The following IFNGR1 variants were observed in gnomAD, a reference collection of about 807,000 sequenced individuals.
IFNGR1 encodes AVP, type 2.
A neutral mutation model predicts 35.4 loss-of-function variants in IFNGR1; 23 were observed. The ratio of observed to expected loss-of-function variants is 0.65; its 90% CI spans 0.47 to 0.92. The LOEUF is 0.92. Among genes scored for constraint, IFNGR1 ranks in the 40% least tolerant of loss-of-function variants. The pLI is 0.00. For missense variants in IFNGR1, 533 were observed against 583.4 expected (o/e 0.91, Z 0.89); for synonymous variants, 199 against 209.5 (o/e 0.95, Z 0.43).
In IFNGR1 at chr6:137,203,675, T is replaced by C; in HGVS notation, c.557A>G (p.Lys186Arg). The C allele has an allele frequency of 6.2e-7, 1 of 1,612,970 alleles. No homozygotes were observed. The highest frequency in any genetic ancestry group is 8.5e-7 in the Non-Finnish European group (1 of 1,179,242). The part of the protein sequence containing the change: ...VRMNGSEIQY[K>R]ILTQKEDDCD... ...ATCATCTTCCTTCTGCGTGAGTATT[T>C]TATACTGGATCTAGATGAAAAAAGA... The change falls in exon 5 of 7, where the codon AAA becomes AGA. Residue 186 changes from lysine (K) to arginine (R), a missense_variant. Lys to Arg is a conservative substitution (Grantham distance 26). Coordinates refer to ENST00000367739, the MANE Select transcript of IFNGR1 (RefSeq NM_000416.3).
At chr6:137,212,543 A>C (rs995697601) in intron 1 of IFNGR1, among the ~76,000 whole-genome samples, 4 of 152,234 alleles carry the variant, frequency 2.6e-5, no homozygotes, top group Non-Finnish European at 4.4e-5. Context: ...GGTGTGAGCC[A>C]CCGGGCCCAG....
chr6:137,215,183 A>G, intron 1 of IFNGR1: 2 of 1,505,502 alleles, frequency 1.3e-6, no homozygotes, highest in Non-Finnish European at 1.8e-6. Flanking sequence ...GTAACTTGAC[A>G]ATATGCAAAG....
intron 1 of IFNGR1, among the ~76,000 whole-genome samples, chr6:137,213,804 A>G (rs1779628524): frequency 6.6e-6 from 1 of 152,258 alleles, no homozygotes; most frequent in African/African-American, 2.4e-5. Context: ...GCTGGGTGAC[A>G]GGAACCAGGG....
At position 137,197,866 on chromosome 6, in the gene IFNGR1, G is replaced by A; in HGVS notation, c.*165C>T. On this transcript the variant is annotated 3_prime_UTR_variant, in exon 7 of 7. Transcript: ENST00000367739. ...AAAGTCTGTACTTTACAAGCCAAAA[G>A]TGAAAATGCCACACATCCTCTTTAC... 1.2e-6 allele frequency: 1 copy of A among 851,026 alleles called. No homozygotes were observed. Among genetic ancestry groups the A allele is most frequent in the Non-Finnish European group, 1.8e-6 (1 of 556,764 alleles). The allele number at this position is 851,026 out of a possible 1,614,324, so 52.7% of individuals were successfully genotyped here.
rs1418858325 is a variant in IFNGR1 at position 137,203,691 on chromosome 6, T to C, written c.547-6A>G. ...GTGAGTATTTTATACTGGATCTAGA[T>C]GAAAAAAGAAAACAGTGAAAATGCA... On this transcript the variant is annotated splice_region_variant and splice_polypyrimidine_tract_variant and intron_variant, in intron 4 of 6. Coordinates refer to ENST00000367739, the MANE Select transcript of IFNGR1 (RefSeq NM_000416.3). 4 of 1,601,568 alleles carry C rather than the reference T, an allele frequency of 2.5e-6. No individual in the cohort carries two copies. Among genetic ancestry groups the C allele is most frequent in the Non-Finnish European group, 3.4e-6 (4 of 1,175,802 alleles).
At chr6:137,216,922 G>C (rs1779709868) in intron 1 of IFNGR1, among the ~76,000 whole-genome samples, 1 of 152,156 alleles carries the variant, frequency 6.6e-6, no homozygotes, top group Admixed American at 6.5e-5. Flanking sequence ...GAATATAGAA[G>C]GCTGCAGTTG....
intron 6 of IFNGR1, among the ~76,000 whole-genome samples, chr6:137,199,302 TAATA>T (rs1324348540): frequency 1.5e-4 from 20 of 133,168 alleles, no homozygotes; most frequent in Admixed American, 1.4e-3. Flanking sequence ...AAAATATAAT[TAATA>T]TATATTATAT....
At position 137,198,551 on chromosome 6, in the gene IFNGR1, T is replaced by C. The variant is rs757987090; in HGVS notation, c.950A>G (p.Glu317Gly). 6.2e-7 allele frequency: 1 copy of C among 1,613,914 alleles called. No individual in the cohort carries two copies. The highest frequency in any genetic ancestry group is 1.1e-5 in the South Asian group (1 of 91,074). Residue 317 changes from glutamate (E) to glycine (G), a missense_variant, in exon 7 of 7, where the codon GAA (glutamate) becomes GGA (glycine). By Grantham distance (98) the Glu-to-Gly change is moderately conservative. Coordinates refer to ENST00000367739, the MANE Select transcript of IFNGR1 (RefSeq NM_000416.3). ...CGGCTCTTCACAGACCACCTCCTTT[T>C]CTAAGGAAAATGGCTGGTATGACGT... ...LITSYQPFSL[E>G]KEVVCEEPLS...
intron 6 of IFNGR1, among the ~76,000 whole-genome samples, chr6:137,199,348 T>C (rs986859651): frequency 7.8e-6 from 1 of 128,110 alleles, no homozygotes; most frequent in African/African-American, 3.0e-5. Context: ...AATATATAAT[T>C]TATAATTTAT....
At chr6:137,204,053 A>C (rs191774516) in intron 4 of IFNGR1, among the ~76,000 whole-genome samples, 14 of 152,314 alleles carry the variant, frequency 9.2e-5, no homozygotes, top group Admixed American at 8.5e-4. Flanking sequence ...TCCTCATTTT[A>C]CCAGTGGAGC....
intron 1 of IFNGR1, among the ~76,000 whole-genome samples, chr6:137,209,507 G>A (rs1228716454): frequency 2.0e-5 from 3 of 152,142 alleles, no homozygotes; most frequent in Admixed American, 2.0e-4. Context: ...TCGTGATAGT[G>A]AGTAAGTCTC....
At chr6:137,204,183 A>G (rs942542961) in intron 4 of IFNGR1, 149 bp downstream of exon 4, 3 of 688,792 alleles carry the variant, frequency 4.4e-6, no homozygotes, top group Non-Finnish European at 7.6e-6. Flanking sequence ...TTTTGCTTTA[A>G]TAGCATTCAC....
At chr6:137,210,827 A>G (rs549496716) in intron 1 of IFNGR1, among the ~76,000 whole-genome samples, 9 of 152,310 alleles carry the variant, frequency 5.9e-5, no homozygotes, top group Non-Finnish European at 1.0e-4. Flanking sequence ...GGGAAAATCT[A>G]TATTTTCCCC....
rs1157808575 is a variant in IFNGR1, at chr6:137,198,334, A to C, written c.1167T>G (p.Pro389=). ...GATACGAGTTTAAAGCGATGCTGCC[A>C]GGTTCAGACTGGTTACTACTTAAAG... ...SSPLSSNQSE[P]GSIALNSYHS... The change falls in exon 7 of 7, where the codon CCT becomes CCG. Residue 389 remains proline, a synonymous_variant. Coordinates refer to ENST00000367739, the MANE Select transcript of IFNGR1 (RefSeq NM_000416.3). The C allele has an allele frequency of 6.2e-7, 1 of 1,613,638 alleles. No homozygotes were observed. Among genetic ancestry groups the C allele is most frequent in the African/African-American group, 1.3e-5 (1 of 74,604 alleles).
Position 137,198,613 on chromosome 6 carries a change from T to C in IFNGR1, c.888A>G (p.Leu296=). ...SLISVVRSAT[L]ETKPESKYVS... ...CATATTTTGATTCAGGTTTTGTCTC[T>C]AAAGTAGCACTTCTTACCACAGAGA... The change falls in exon 7 of 7, where the codon TTA becomes TTG. Residue 296 remains leucine (L), a synonymous_variant. Transcript: ENST00000367739. The C allele has an allele frequency of 3.1e-6, 5 of 1,612,876 alleles. No individual in the cohort carries two copies. The highest frequency in any genetic ancestry group is 1.7e-4 in the Middle Eastern group (1 of 5,890).
rs769242277 is a variant in IFNGR1, at chr6:137,204,493, G to T, written c.385C>A (p.Pro129Thr). The change falls in exon 4 of 7, where the codon CCA becomes ACA. Residue 129 changes from proline to threonine, a missense_variant. By Grantham distance (38) the Pro-to-Thr change is conservative. Coordinates refer to ENST00000367739, the MANE Select transcript of IFNGR1 (RefSeq NM_000416.3). ...TCCTTTCTGATATCCAGTTTAGGTGGTCCAATTTTTCCTGGGGAAGGAGGA... is the reference window on the plus strand; with the variant it reads ...TCCTTTCTGATATCCAGTTTAGGTGTTCCAATTTTTCCTGGGGAAGGAGGA... ...FAVCRDGKIGPPKLDIRKEEK... is the reference protein window; with the variant it reads ...FAVCRDGKIGTPKLDIRKEEK... 8 of 1,613,148 alleles carry T rather than the reference G, an allele frequency of 5.0e-6. No individual in the cohort carries two copies. Among genetic ancestry groups the T allele is most frequent in the Admixed American group, 1.7e-5 (1 of 60,000 alleles).
In IFNGR1 at chr6:137,207,071, G is replaced by C. The variant is rs370074491; in HGVS notation, c.92C>G (p.Thr31Arg). Residue 31 changes from threonine to arginine, a missense_variant, in exon 2 of 7, where the codon ACA (threonine) becomes AGA (arginine). Physicochemically the swap from Thr to Arg is moderately conservative, Grantham distance 71 (BLOSUM62 -1). Transcript: ENST00000367739. ...GGATTCAATTGTAACATTAGTTGGT[G>C]TAGGCACTGTAAGAAAATAAAAAAG... Reference protein sequence around the residue: ...TADLGPSSVPTPTNVTIESYN... With the variant: ...TADLGPSSVPRPTNVTIESYN... The C allele has an allele frequency of 1.8e-5, 29 of 1,613,712 alleles. No homozygotes were observed. Among genetic ancestry groups the C allele is most frequent in the African/African-American group, 2.7e-5 (2 of 74,924 alleles).
chr6:137,211,866 T>C (rs1184615149), intron 1 of IFNGR1, among the ~76,000 whole-genome samples: 2 of 152,172 alleles, frequency 1.3e-5, no homozygotes, highest in Non-Finnish European at 2.9e-5. Flanking sequence ...CATATAAATA[T>C]ACTTTTTCAA....
At chr6:137,212,781 T>C (rs1582643074) in intron 1 of IFNGR1, among the ~76,000 whole-genome samples, 1 of 152,356 alleles carries the variant, frequency 6.6e-6, no homozygotes, top group Non-Finnish European at 1.5e-5. Flanking sequence ...AATCAAAGTA[T>C]GTTTCCTATA....
Sources: gnomAD v4.1 joint callset for allele counts (sites outside exome capture counted in the v4.1 genomes callset) on GRCh38, gnomAD v4.1.1 for gene constraint, MANE v1.5 for transcripts, NCBI Gene and HGNC (gene_info 2026-07-23, HGNC 2026-07-21) for gene names.